KCNH5: variants seen among roughly 807,000 people sequenced by gnomAD.
The protein encoded by KCNH5 is voltage-gated delayed rectifier potassium channel KCNH5.
In KCNH5, 46 loss-of-function variants were observed where a neutral mutation model predicts 96.1. That is an observed-to-expected ratio of 0.48 (90% CI 0.38 to 0.61). The LOEUF (loss-of-function observed/expected upper bound fraction) is 0.61. Among genes scored for constraint, KCNH5 ranks in the 20% least tolerant of loss-of-function variants. The probability of loss-of-function intolerance (pLI) is 0.00; values close to 1 mark genes in which losing one functional copy is unlikely to be tolerated. For missense variants in KCNH5, 907 were observed against 1,225.8 expected (o/e 0.74, Z 3.88); for synonymous variants, 439 against 449.8 (o/e 0.98, Z 0.30).
At chr14:62,791,840 C>G (rs745984615) in intron 9 of KCNH5, among the ~76,000 whole-genome samples, 1 of 151,498 alleles carries the variant, frequency 6.6e-6, no homozygotes, top group Non-Finnish European at 1.5e-5. Flanking sequence ...ACTTCAATAA[C>G]CCACTTTCAA....
rs1175304715 is a variant in KCNH5, at chr14:62,703,492, T to G, written c.*4016A>C. 1 of 151,902 alleles carries G rather than the reference T, an allele frequency of 6.6e-6. No individual in the cohort carries two copies. The highest frequency in any genetic ancestry group is 1.9e-4 in the East Asian group (1 of 5,196). The allele number at this position is 151,902 out of a possible 1,614,324, so 9.4% of individuals were successfully genotyped here. A position where few individuals can be genotyped will look rare whatever the true frequency, so the allele number is the denominator to read the frequency against. On this transcript the variant is annotated 3_prime_UTR_variant, in exon 11 of 11. Transcript: ENST00000322893. ...TATAAGGAAGCAACAGCTGTTATCT[T>G]TGTTTTCTTATTTATTGGCGGGGAA...
chr14:62,728,672 G>A (rs984183394), intron 10 of KCNH5, among the ~76,000 whole-genome samples: 1 of 152,146 alleles, frequency 6.6e-6, no homozygotes, highest in Admixed American at 6.5e-5. Context: ...ATGTGATTCT[G>A]GAGAAGTTAT....
Position 62,895,041 on chromosome 14 carries a change from C to T in KCNH5, c.1370-45189G>A, listed in dbSNP as rs184311623. On this transcript the variant is annotated intron_variant, in intron 7 of 10. Coordinates refer to ENST00000322893, the MANE Select transcript of KCNH5 (RefSeq NM_139318.5). ...AAAGGAGAGTTGACATTCAGCCTTT[C>T]TTTGGTTTTAGACTCAGCTAATAAA... Among the ~76,000 whole-genome samples, 351 of 152,264 alleles carry T rather than the reference C, an allele frequency of 2.3e-3. 3 individuals are homozygous for T. The highest frequency in any genetic ancestry group is 8.1e-3 in the African/African-American group (338 of 41,556).
chr14:62,959,054 A>C (rs1412219525), intron 6 of KCNH5, among the ~76,000 whole-genome samples: 1 of 152,136 alleles, frequency 6.6e-6, no homozygotes, highest in African/African-American at 2.4e-5. Flanking sequence ...ACCAAGAAGC[A>C]TCCTTGCCAT....
At chr14:63,018,601 A>T (rs1020420458) in intron 1 of KCNH5, among the ~76,000 whole-genome samples, 7 of 152,054 alleles carry the variant, frequency 4.6e-5, no homozygotes, top group African/African-American at 1.2e-4. Context: ...GGAGTAAGAA[A>T]CAAGTCATAG....
At chr14:62,818,612 T>A (rs1384003169) in intron 8 of KCNH5, among the ~76,000 whole-genome samples, 2 of 152,104 alleles carry the variant, frequency 1.3e-5, no homozygotes, top group Non-Finnish European at 2.9e-5. Context: ...TTTGGTAATT[T>A]TCAATAAAAC....
At chr14:62,978,962 C>T (rs989939500) in intron 6 of KCNH5, among the ~76,000 whole-genome samples, 14 of 152,200 alleles carry the variant, frequency 9.2e-5, no homozygotes, top group Admixed American at 6.5e-4. Context: ...GAATGTAGTA[C>T]ATTGTTAACT....
chr14:62,797,461 G>A lies in KCNH5; in HGVS notation c.1822+4868C>T, dbSNP rs114655089. Among the ~76,000 whole-genome samples the A allele has an allele frequency of 5.6e-3, 853 of 152,180 alleles. 10 individuals are homozygous for A. The highest frequency in any genetic ancestry group is 0.02 in the African/African-American group (814 of 41,520). On this transcript the variant is annotated intron_variant, in intron 9 of 10. Transcript: ENST00000322893. ...TTCCGCATCTACAACACAGAAGTAT[G>A]GGTGCAAAAGAAAATGATTTTCTGG...
chr14:62,850,178 T>C (rs76965830), intron 7 of KCNH5, among the ~76,000 whole-genome samples: 3,025 of 152,270 alleles, frequency 0.02, 53 homozygotes, highest in East Asian at 0.062. Context: ...GCCTAAGAAA[T>C]TCTATTTGTT....
chr14:62,849,964 G>A, intron 7 of KCNH5, 112 bp from the exon 8 acceptor site: 1 of 810,032 alleles, frequency 1.2e-6, no homozygotes, highest in South Asian at 1.7e-5. Flanking sequence ...ACTTGCAGGG[G>A]TAAATACATG....
intron 10 of KCNH5, among the ~76,000 whole-genome samples, chr14:62,728,855 G>A (rs888925049): frequency 1.3e-5 from 2 of 152,176 alleles, no homozygotes; most frequent in Middle Eastern, 3.2e-3. Context: ...ATAAAGCCTA[G>A]AAGGAACGGG....
chr14:62,846,789 C>CTTTTTTTT lies in KCNH5; in HGVS notation c.1569+2856_1569+2863dup, dbSNP rs766919022. ...ATTGTATTGTATTATTGTATTGTAT[C>CTTTTTTTT]TTTTTTTTTTTTTTTTTTTTTTTTT... On this transcript the variant is annotated intron_variant, in intron 8 of 10. Transcript: ENST00000322893. 7.3e-4 allele frequency among the ~76,000 whole-genome samples: 49 copies of CTTTTTTTT among 67,480 alleles called. 12 individuals carry two copies. The highest frequency in any genetic ancestry group is 1.1e-3 in the African/African-American group (17 of 15,070). The allele number at this position is 67,480 out of a possible 152,430, so 44.3% of individuals were successfully genotyped here. A position where few individuals can be genotyped will look rare whatever the true frequency, so the allele number is the denominator to read the frequency against.
intron 8 of KCNH5, among the ~76,000 whole-genome samples, chr14:62,827,398 T>A (rs1312690428): frequency 5.3e-5 from 8 of 152,206 alleles, no homozygotes; most frequent in Non-Finnish European, 1.0e-4. Flanking sequence ...TTTAACAAAG[T>A]CTGCTTGCAA....
intron 6 of KCNH5, among the ~76,000 whole-genome samples, chr14:62,965,325 T>C (rs1245949882): frequency 6.6e-6 from 1 of 152,066 alleles, no homozygotes; most frequent in Non-Finnish European, 1.5e-5. Context: ...ACCATTCTCA[T>C]GGTAGTGGGT....
chr14:62,829,840 T>C (rs1887306141), intron 8 of KCNH5, among the ~76,000 whole-genome samples: 1 of 152,236 alleles, frequency 6.6e-6, no homozygotes, highest in Non-Finnish European at 1.5e-5. Context: ...TGGGTTTTTC[T>C]TTTCTACCAC....
chr14:62,882,278 G>A (rs1261407122), intron 7 of KCNH5, among the ~76,000 whole-genome samples: 1 of 151,814 alleles, frequency 6.6e-6, no homozygotes, highest in Non-Finnish European at 1.5e-5. Flanking sequence ...AAAAAAGAAA[G>A]AAAAAACTGA....
intron 10 of KCNH5, chr14:62,712,790 C>A: frequency 2.7e-6 from 2 of 733,452 alleles, no homozygotes; most frequent in East Asian, 2.6e-5. Flanking sequence ...CTTGAAAGAG[C>A]TTTGTGCGAG....
intron 8 of KCNH5, among the ~76,000 whole-genome samples, chr14:62,825,055 C>T (rs1887194433): frequency 6.6e-6 from 1 of 151,990 alleles, no homozygotes; most frequent in Non-Finnish European, 1.5e-5. Flanking sequence ...GTGAACAGCA[C>T]TGCAATGAAC....
intron 7 of KCNH5, among the ~76,000 whole-genome samples, chr14:62,861,673 C>CACACACACAT (rs1371234433): frequency 2.0e-5 from 3 of 148,656 alleles, no homozygotes; most frequent in African/African-American, 7.4e-5. Context: ...CACACACACA[C>CACACACACAT]ACGGTATAAT....
Sources: allele counts gnomAD v4.1 joint callset (sites outside exome capture counted in the v4.1 genomes callset), GRCh38; gene constraint gnomAD v4.1.1; transcripts MANE v1.5; gene names NCBI Gene and HGNC (gene_info 2026-07-23, HGNC 2026-07-21).